The following SCOC variants were observed in gnomAD, a reference collection of about 807,000 sequenced individuals.
The protein encoded by SCOC is short coiled-coil protein.
In SCOC, 7 loss-of-function variants were observed where a neutral mutation model predicts 9.9. That is an observed-to-expected ratio of 0.71 (90% confidence interval 0.40 to 1.33). The LOEUF is 1.33. SCOC is among the 40% of genes most tolerant of loss of function. The probability of loss-of-function intolerance (pLI) is 0.01; values close to 1 mark genes in which losing one functional copy is unlikely to be tolerated. For missense variants in SCOC, 66 were observed against 89.7 expected, an observed-to-expected ratio of 0.74 and a Z score of 1.07; for synonymous variants, 19 against 28.2, an observed-to-expected ratio of 0.67 and a Z score of 1.03.
intron 2 of SCOC, among the ~76,000 whole-genome samples, chr4:140,363,622 C>A (rs1238018768): frequency 1.3e-5 from 2 of 152,150 alleles, no homozygotes; most frequent in African/African-American, 4.8e-5. Context: ...CTGTATTAAA[C>A]CATAAGTGCA....
intron 1 of SCOC, 22 bp downstream of exon 1, chr4:140,373,739 G>T (rs898083858): frequency 7.9e-5 from 121 of 1,540,866 alleles, no homozygotes; most frequent in Non-Finnish European, 9.7e-5. Context: ...CCCGGGCAGC[G>T]GAGGGCCTGG....
rs538090061 is a variant in SCOC at position 140,314,880 on chromosome 4, C to A, written c.-18-28741C>A. 9.2e-5 allele frequency among the ~76,000 whole-genome samples: 14 copies of A among 152,282 alleles called. No individual in the cohort carries two copies. The South Asian group carries it at 2.9e-3, about 32-fold the overall frequency. The stretch of plus-strand genomic sequence containing the variant: ...CTCCACCCCCCCACCAAGTTCTCCA[C>A]AAGGTGTGGTTGTGTGGTTGCTGAA... On this transcript the variant is annotated intron_variant, in intron 1 of 4. Transcript: ENST00000394205.
chr4:140,257,721 A>G (rs1730540041), intron 1 of SCOC, among the ~76,000 whole-genome samples: 1 of 152,178 alleles, frequency 6.6e-6, no homozygotes, highest in Non-Finnish European at 1.5e-5. Context: ...ATGTGTGAAG[A>G]GCTCAGCACA....
intron 1 of SCOC, among the ~76,000 whole-genome samples, chr4:140,261,732 G>A (rs1730638220): frequency 6.6e-6 from 1 of 152,224 alleles, no homozygotes; most frequent in Non-Finnish European, 1.5e-5. Flanking sequence ...CTTCCAGCCA[G>A]GAATGGGAAA....
chr4:140,298,408 G>A (rs1731711757), intron 1 of SCOC, among the ~76,000 whole-genome samples: 1 of 152,234 alleles, frequency 6.6e-6, no homozygotes, highest in Non-Finnish European at 1.5e-5. Flanking sequence ...TGGCACACAA[G>A]CATACCATTA....
At chr4:140,271,332 G>C (rs1730840580) in intron 1 of SCOC, among the ~76,000 whole-genome samples, 1 of 152,220 alleles carries the variant, frequency 6.6e-6, no homozygotes, top group African/African-American at 2.4e-5. Flanking sequence ...AAAGGCAGTA[G>C]TGTGCAAAGT....
At chr4:140,353,568 G>A (rs903477191) in intron 2 of SCOC, among the ~76,000 whole-genome samples, 7 of 151,972 alleles carry the variant, frequency 4.6e-5, no homozygotes, top group Non-Finnish European at 8.8e-5. Flanking sequence ...ACGCCACCAC[G>A]CCCGGCTAAT....
At position 140,354,645 on chromosome 4, in the gene SCOC, G is replaced by A. The variant is rs182938644; in HGVS notation, c.70+10937G>A. Among the ~76,000 whole-genome samples the A allele has an allele frequency of 1.1e-3, 162 of 150,476 alleles. 1 individual carries two copies. Among genetic ancestry groups the A allele is most frequent in the African/African-American group, 3.8e-3 (156 of 40,976 alleles). ...AATCATTTGACTGTGAAAGGAATTC[G>A]ACAAATTCGTAACTAATTGATTATT... is the stretch of plus-strand genomic sequence containing the variant. On this transcript the variant is annotated intron_variant, in intron 2 of 4. Transcript: ENST00000338517.
chr4:140,301,753 T>C (rs1731817325), intron 1 of SCOC, among the ~76,000 whole-genome samples: 1 of 152,248 alleles, frequency 6.6e-6, no homozygotes, highest in East Asian at 1.9e-4. Context: ...CCACGCACTG[T>C]TTCCCTGCCA....
intron 1 of SCOC, chr4:140,284,155 A>G (rs1188407368): frequency 1.3e-5 from 2 of 151,970 alleles, no homozygotes; most frequent in Admixed American, 1.3e-4. Context: ...TCAATGTTCA[A>G]TTTTCCTAAA....
chr4:140,362,300 T>TCC (rs1553941120), intron 2 of SCOC, among the ~76,000 whole-genome samples: 4 of 36,574 alleles, frequency 1.1e-4, no homozygotes, highest in Admixed American at 2.4e-4. Flanking sequence ...CTTCTTCTTC[T>TCC]TTTTTTTTTT....
chr4:140,381,188 C>T lies in SCOC; in HGVS notation c.*84C>T, dbSNP rs1728560521. On this transcript the variant is annotated 3_prime_UTR_variant, in exon 4 of 4. Transcript: ENST00000608372. ...GGATAGATTCCAAAAGTTACAGTACCTTTGTGGCTTCATTGAATATTTATG... is the reference window on the plus strand; with the variant it reads ...GGATAGATTCCAAAAGTTACAGTACTTTTGTGGCTTCATTGAATATTTATG... 2 of 1,309,552 alleles carry T rather than the reference C, an allele frequency of 1.5e-6. No homozygotes were observed. Among genetic ancestry groups the T allele is most frequent in the East Asian group, 2.5e-5 (1 of 40,120 alleles). 81.1% of individuals were successfully genotyped at this position (1,309,552 alleles called of 1,614,324 possible).
intron 1 of SCOC, chr4:140,291,424 G>T: frequency 2.2e-6 from 1 of 457,060 alleles, no homozygotes; most frequent in Non-Finnish European, 4.4e-6. Context: ...AAGCCCTCTG[G>T]TGTATAGCAA....
chr4:140,368,261 A>C (rs917363218), intron 2 of SCOC, among the ~76,000 whole-genome samples: 3 of 152,244 alleles, frequency 2.0e-5, no homozygotes, highest in Non-Finnish European at 4.4e-5. Context: ...ATATACCTAC[A>C]TCATAATTTT....
rs1378433592 is a variant in SCOC at position 140,382,023 on chromosome 4, T to G, written c.*919T>G. Reference sequence around the variant, plus strand: ...TGGATTAAGTTTGACTACCCTTATGTTAGCCACATCTGGATGAGAACAGTT... The same window carrying G: ...TGGATTAAGTTTGACTACCCTTATGGTAGCCACATCTGGATGAGAACAGTT... On this transcript the variant is annotated 3_prime_UTR_variant, in exon 4 of 4. Transcript: ENST00000608372. The G allele has an allele frequency of 5.9e-5, 9 of 152,186 alleles. No homozygotes were observed. The highest frequency in any genetic ancestry group is 2.6e-4 in the Admixed American group (4 of 15,274). The allele number at this position is 152,186 out of a possible 1,614,324, so 9.4% of individuals were successfully genotyped here.
chr4:140,346,933 A>G (rs933805528), intron 2 of SCOC, among the ~76,000 whole-genome samples: 1 of 152,096 alleles, frequency 6.6e-6, no homozygotes, highest in Non-Finnish European at 1.5e-5. Context: ...CACTAGATTG[A>G]ACTATGTATC....
At chr4:140,291,668 T>C in intron 1 of SCOC, 1 of 374,074 alleles carries the variant, frequency 2.7e-6, no homozygotes, top group East Asian at 7.3e-5. Context: ...GGGAATAAAA[T>C]CACATCAGGC....
chr4:140,282,822 G>A (rs1047396608), intron 1 of SCOC, among the ~76,000 whole-genome samples: 5 of 152,196 alleles, frequency 3.3e-5, no homozygotes, highest in African/African-American at 7.2e-5. Context: ...CTTAAGCTCC[G>A]ACTCCCAGGA....
At chr4:140,285,991 C>A (rs190527506) in intron 1 of SCOC, among the ~76,000 whole-genome samples, 1 of 152,022 alleles carries the variant, frequency 6.6e-6, no homozygotes, top group Admixed American at 6.6e-5. Context: ...TTGAGACCAG[C>A]CTGGCCAACA....
Sources: allele counts gnomAD v4.1 joint callset (sites outside exome capture counted in the v4.1 genomes callset), GRCh38; gene constraint gnomAD v4.1.1; transcripts MANE v1.5; gene names NCBI Gene and HGNC (gene_info 2026-07-23, HGNC 2026-07-21).